RALA: variants seen among roughly 807,000 people sequenced by gnomAD.
RALA encodes ras-related protein Ral-A.
Under a neutral mutation model 24.0 loss-of-function variants are expected in RALA, and 5 were observed. The ratio of observed to expected loss-of-function variants is 0.21; its 90% CI spans 0.11 to 0.44. The LOEUF is 0.44. RALA is among the 20% of genes least tolerant of loss of function. RALA has a pLI of 0.99. For missense variants in RALA, 95 were observed against 241.2 expected (o/e 0.39, Z 4.01); for synonymous variants, 77 against 83.8 (o/e 0.92, Z 0.44).
At chr7:39,656,337 A>T (rs1434089830) in intron 1 of RALA, among the ~76,000 whole-genome samples, 1 of 152,202 alleles carries the variant, frequency 6.6e-6, no homozygotes, top group Non-Finnish European at 1.5e-5. Context: ...GCTATTTCTC[A>T]ATTTAAAATC....
intron 4 of RALA, among the ~76,000 whole-genome samples, chr7:39,699,120 T>A (rs1315513591): frequency 7.7e-6 from 1 of 129,502 alleles, no homozygotes; most frequent in Non-Finnish European, 1.5e-5. Flanking sequence ...CTAAAAATGT[T>A]ATTTTTTTTT....
At chr7:39,650,849 G>A (rs1040685533) in intron 1 of RALA, among the ~76,000 whole-genome samples, 1 of 152,112 alleles carries the variant, frequency 6.6e-6, no homozygotes, top group Non-Finnish European at 1.5e-5. Flanking sequence ...GACTTGGCTG[G>A]GTCTAGAGAG....
intron 4 of RALA, among the ~76,000 whole-genome samples, chr7:39,698,437 A>C (rs1294805084): frequency 1.3e-5 from 2 of 152,204 alleles, no homozygotes. Context: ...GTAAAGATGA[A>C]ATGAAATCAC....
intron 1 of RALA, among the ~76,000 whole-genome samples, chr7:39,660,186 A>G (rs1792163881): frequency 6.6e-6 from 1 of 152,054 alleles, no homozygotes; most frequent in Non-Finnish European, 1.5e-5. Flanking sequence ...TCTACTTAAA[A>G]AGTACAAAAA....
At chr7:39,698,742 G>T (rs1164965588) in intron 4 of RALA, among the ~76,000 whole-genome samples, 1 of 152,138 alleles carries the variant, frequency 6.6e-6, no homozygotes, top group Non-Finnish European at 1.5e-5. Context: ...TATTGTAACA[G>T]TCCTTGTGGT....
chr7:39,628,294 C>T (rs1791529641), intron 1 of RALA, among the ~76,000 whole-genome samples: 9 of 151,962 alleles, frequency 5.9e-5, no homozygotes, highest in Admixed American at 5.9e-4. Context: ...ATATCTGTTA[C>T]AGCTCTTAAC....
chr7:39,696,936 G>C (rs1318814007), intron 4 of RALA, 77 bp downstream of exon 4: 1 of 1,366,700 alleles, frequency 7.3e-7, no homozygotes, highest in African/African-American at 1.5e-5. Flanking sequence ...TTTGTCTGGA[G>C]AGTCTATGAA....
At chr7:39,699,798 A>T (rs1379129728) in intron 4 of RALA, among the ~76,000 whole-genome samples, 1 of 152,232 alleles carries the variant, frequency 6.6e-6, no homozygotes, top group East Asian at 1.9e-4. Context: ...GCCACAGTTT[A>T]TGCTTTTTTC....
intron 1 of RALA, among the ~76,000 whole-genome samples, chr7:39,652,931 A>G (rs949220985): frequency 6.6e-6 from 1 of 151,774 alleles, no homozygotes; most frequent in African/African-American, 2.4e-5. Context: ...ATACATGGCT[A>G]ATTTTTGTAT....
intron 4 of RALA, among the ~76,000 whole-genome samples, chr7:39,701,548 G>A (rs1234551147): frequency 6.6e-6 from 1 of 152,150 alleles, no homozygotes; most frequent in South Asian, 2.1e-4. Flanking sequence ...AATAGCTAGT[G>A]TATCTCCCAT....
At chr7:39,681,129 CT>C (rs1792589926) in intron 1 of RALA, among the ~76,000 whole-genome samples, 1 of 152,016 alleles carries the variant, frequency 6.6e-6, no homozygotes, top group Non-Finnish European at 1.5e-5. Flanking sequence ...ATTTATGCCT[CT>C]TTTGGATGAT....
intron 1 of RALA, among the ~76,000 whole-genome samples, chr7:39,683,783 T>G (rs1477394842): frequency 6.6e-6 from 1 of 152,116 alleles, no homozygotes; most frequent in East Asian, 1.9e-4. Flanking sequence ...TTTTAAATTA[T>G]TCTAGAAGGA....
intron 1 of RALA, among the ~76,000 whole-genome samples, chr7:39,681,805 A>G (rs563060109): frequency 3.3e-5 from 5 of 152,264 alleles, no homozygotes; most frequent in African/African-American, 7.2e-5. Flanking sequence ...CCTGAACTCT[A>G]GACTAAAACA....
At chr7:39,695,068 A>AC (rs1792894725) in intron 3 of RALA, among the ~76,000 whole-genome samples, 1 of 143,528 alleles carries the variant, frequency 7.0e-6, no homozygotes, top group Non-Finnish European at 1.5e-5. Context: ...CAAAAAAAAG[A>AC]AAAAAAAAAA....
At chr7:39,679,226 G>A (rs946445785) in intron 1 of RALA, among the ~76,000 whole-genome samples, 1 of 151,972 alleles carries the variant, frequency 6.6e-6, no homozygotes, top group East Asian at 1.9e-4. Context: ...CTACACCACG[G>A]ATAGACAAAA....
At chr7:39,627,674 C>G (rs867205471) in intron 1 of RALA, among the ~76,000 whole-genome samples, 1 of 152,282 alleles carries the variant, frequency 6.6e-6, no homozygotes, top group Non-Finnish European at 1.5e-5. Context: ...AGTTGAGAAG[C>G]TAACATAGTA....
Position 39,707,346 on chromosome 7 carries a change from TTTATA to T in RALA, c.*1104_*1108del. ...TGCTTGCCATCTGTTCATTTCTAAA[TTTATA>T]TTCATAAAGTTACAGTTTGATACAG... On this transcript the variant is annotated 3_prime_UTR_variant, in exon 5 of 5. Transcript: ENST00000005257. 1 of 152,364 alleles carries T rather than the reference TTTATA, an allele frequency of 6.6e-6. No homozygotes were observed. Among genetic ancestry groups the T allele is most frequent in the South Asian group, 2.1e-4 (1 of 4,828 alleles). The allele number at this position is 152,364 out of a possible 1,614,324, so 9.4% of individuals were successfully genotyped here.
In RALA at chr7:39,634,614, G is replaced by A. The variant is rs576796512; in HGVS notation, c.-38+10789G>A. Among the ~76,000 whole-genome samples the A allele has an allele frequency of 4.6e-5, 7 of 151,852 alleles. No individual in the cohort carries two copies. In the South Asian group the frequency reaches 1.5e-3, roughly 32 times the overall value. On this transcript the variant is annotated intron_variant, in intron 1 of 4. Coordinates refer to ENST00000005257, the MANE Select transcript of RALA (RefSeq NM_005402.4). ...TAGTCATTTAATGTTTGAATAATTGGTAACCTTCCCACTACCCTATTAATC... is the reference window on the plus strand; with the variant it reads ...TAGTCATTTAATGTTTGAATAATTGATAACCTTCCCACTACCCTATTAATC...
Position 39,623,713 on chromosome 7 carries a change from G to T in RALA, c.-150G>T. 4 of 153,910 alleles carry T rather than the reference G, an allele frequency of 2.6e-5. No homozygotes were observed. In the South Asian group the frequency reaches 7.4e-4, roughly 29 times the overall value. 9.5% of individuals were successfully genotyped at this position (153,910 alleles called of 1,614,324 possible). ...CCGCCACCCGTCAGACTCCTCCTTC[G>T]ACCGCTCCCGGCGCGGGGCCTTCCA... On this transcript the variant is annotated 5_prime_UTR_variant, in exon 1 of 5. Transcript: ENST00000005257. This position sits in a 1 kb window ranked among gnomAD's most constrained non-coding sequence, Gnocchi z 4.9.
Sources: gnomAD v4.1 joint callset for allele counts (sites outside exome capture counted in the v4.1 genomes callset) on GRCh38, gnomAD v4.1.1 for gene constraint, Gnocchi (gnomAD v3.1) non-coding constraint, MANE v1.5 for transcripts, NCBI Gene and HGNC (gene_info 2026-07-23, HGNC 2026-07-21) for gene names.